HHAT: variants seen among roughly 807,000 people sequenced by gnomAD.
The protein encoded by HHAT is protein-cysteine N-palmitoyltransferase HHAT.
Under a neutral mutation model 70.8 loss-of-function variants are expected in HHAT, and 47 were observed. The observed-to-expected ratio is 0.66, with a 90% CI of 0.53 to 0.85. HHAT has a LOEUF of 0.85. HHAT is among the 40% of genes least tolerant of loss of function. The pLI, the probability that HHAT is intolerant of heterozygous loss-of-function variation, is 0.00. For missense variants in HHAT, 609 were observed against 604.8 expected (o/e 1.01, Z -0.07); for synonymous variants, 228 against 247.6 (o/e 0.92, Z 0.74).
At chr1:210,456,019 C>A (rs529030539) in intron 7 of HHAT, among the ~76,000 whole-genome samples, 1 of 152,266 alleles carries the variant, frequency 6.6e-6, no homozygotes, top group African/African-American at 2.4e-5. Flanking sequence ...AAAGCTCTGC[C>A]ATAGCTCTCA....
chr1:210,501,945 G>A (rs2094763527), intron 8 of HHAT, among the ~76,000 whole-genome samples: 1 of 150,868 alleles, frequency 6.6e-6, no homozygotes, highest in Non-Finnish European at 1.5e-5. Context: ...TTGTTAATAT[G>A]TGGGAACCCT....
intron 1 of HHAT, among the ~76,000 whole-genome samples, chr1:210,334,810 G>A (rs1303697439): frequency 1.3e-5 from 2 of 151,614 alleles, no homozygotes; most frequent in Non-Finnish European, 2.9e-5. Flanking sequence ...AAGATGTTAT[G>A]AACGATTTCA....
At chr1:210,576,522 C>T (rs185327127) in intron 9 of HHAT, among the ~76,000 whole-genome samples, 6 of 56,400 alleles carry the variant, frequency 1.1e-4, no homozygotes, top group Admixed American at 2.7e-4. Flanking sequence ...GTTGTGGGGT[C>T]GGGGGAGGGG....
chr1:210,485,141 G>A (rs947097104), intron 8 of HHAT, among the ~76,000 whole-genome samples: 2 of 152,162 alleles, frequency 1.3e-5, no homozygotes, highest in African/African-American at 2.4e-5. Context: ...ATATGAATGA[G>A]GAAAGAGAAA....
At chr1:210,506,128 C>T (rs1041595550) in intron 8 of HHAT, among the ~76,000 whole-genome samples, 2 of 152,136 alleles carry the variant, frequency 1.3e-5, no homozygotes, top group African/African-American at 4.8e-5. Context: ...AGCATATGGG[C>T]AGCACCACTT....
chr1:210,636,618 G>GA lies in HHAT; in HGVS notation c.1390+12954dup, dbSNP rs530516653. ...TCCGGAATGTTGCTAGCTGTTTGGG[G>GA]AAAAAATTAAAATATTTATCTGACA... On this transcript the variant is annotated intron_variant, in intron 11 of 11. Transcript: ENST00000261458. 1.3e-3 allele frequency among the ~76,000 whole-genome samples: 191 copies of GA among 152,204 alleles called. 1 individual carries two copies. Among genetic ancestry groups the GA allele is most frequent in the African/African-American group, 4.5e-3 (186 of 41,540 alleles).
chr1:210,649,297 C>T (rs1558352109), intron 11 of HHAT, among the ~76,000 whole-genome samples: 1 of 152,216 alleles, frequency 6.6e-6, no homozygotes, highest in Non-Finnish European at 1.5e-5. Context: ...GGAATAGAGA[C>T]TCATTTTCAT....
chr1:210,636,663 TC>T (rs1432184963), intron 11 of HHAT, among the ~76,000 whole-genome samples: 1 of 152,324 alleles, frequency 6.6e-6, no homozygotes, highest in East Asian at 1.9e-4. Flanking sequence ...TTCTATTTTC[TC>T]CCAGTGGTAG....
At chr1:210,661,315 G>A (rs1677659427) in intron 11 of HHAT, among the ~76,000 whole-genome samples, 1 of 152,202 alleles carries the variant, frequency 6.6e-6, no homozygotes, top group Admixed American at 6.5e-5. Context: ...ATGAAAAAAT[G>A]CTCATCATCA....
intron 10 of HHAT, among the ~76,000 whole-genome samples, chr1:210,596,812 A>G (rs769442852): frequency 6.6e-6 from 1 of 151,670 alleles, no homozygotes; most frequent in Non-Finnish European, 1.5e-5. Context: ...TCAGTGATTT[A>G]CTCCTGGTGC....
intron 8 of HHAT, among the ~76,000 whole-genome samples, chr1:210,483,856 C>G (rs966310064): frequency 6.6e-6 from 1 of 152,148 alleles, no homozygotes; most frequent in Non-Finnish European, 1.5e-5. Flanking sequence ...CATTTCTGTA[C>G]TATAAATCTT....
At chr1:210,536,907 AT>A (rs1369015719) in intron 9 of HHAT, among the ~76,000 whole-genome samples, 1 of 152,200 alleles carries the variant, frequency 6.6e-6, no homozygotes, top group East Asian at 1.9e-4. Flanking sequence ...ACAATAAAAA[AT>A]ATCACCAGAT....
At chr1:210,358,272 A>G (rs983421736) in intron 2 of HHAT, among the ~76,000 whole-genome samples, 1 of 152,208 alleles carries the variant, frequency 6.6e-6, no homozygotes, top group African/African-American at 2.4e-5. Context: ...AAAGTTTTCC[A>G]TGCAAATTAA....
At chr1:210,387,253 T>C (rs548120037) in intron 3 of HHAT, among the ~76,000 whole-genome samples, 1 of 152,268 alleles carries the variant, frequency 6.6e-6, no homozygotes, top group Admixed American at 6.5e-5. Flanking sequence ...TCATTCCGGT[T>C]AGGTTGGTGC....
chr1:210,366,079 C>T (rs1222449491), intron 3 of HHAT, among the ~76,000 whole-genome samples: 1 of 152,048 alleles, frequency 6.6e-6, no homozygotes, highest in Non-Finnish European at 1.5e-5. Context: ...TACAGACATG[C>T]ACCACCATAC....
intron 9 of HHAT, among the ~76,000 whole-genome samples, chr1:210,585,179 C>G (rs1047577943): frequency 6.6e-6 from 1 of 152,144 alleles, no homozygotes; most frequent in Non-Finnish European, 1.5e-5. Context: ...GCATCTTTGT[C>G]TTTCTCCTTC....
intron 10 of HHAT, among the ~76,000 whole-genome samples, chr1:210,614,406 A>T (rs115619958): frequency 0.021 from 3,217 of 152,084 alleles, 116 homozygotes; most frequent in African/African-American, 0.067. Flanking sequence ...CCTTTAAAAA[A>T]TTTTTTAAAT....
chr1:210,369,939 A>G (rs997100405), intron 3 of HHAT, among the ~76,000 whole-genome samples: 3 of 152,110 alleles, frequency 2.0e-5, no homozygotes, highest in African/African-American at 7.2e-5. Context: ...TCTGGACTTT[A>G]TCCAGAAGGC....
intron 8 of HHAT, among the ~76,000 whole-genome samples, chr1:210,509,219 A>G (rs934783830): frequency 1.3e-5 from 2 of 152,244 alleles, no homozygotes; most frequent in African/African-American, 2.4e-5. Flanking sequence ...AGATTTTGGA[A>G]TATTTGCAAT....
Sources: gnomAD v4.1 joint callset for allele counts (sites outside exome capture counted in the v4.1 genomes callset) on GRCh38, gnomAD v4.1.1 for gene constraint, MANE v1.5 for transcripts, NCBI Gene and HGNC (gene_info 2026-07-23, HGNC 2026-07-21) for gene names.